The following SLAIN2 variants were observed in gnomAD, a reference collection of about 807,000 sequenced individuals.
SLAIN2 encodes the protein SLAIN motif-containing protein 2.
In SLAIN2, 31 loss-of-function variants were observed where a neutral mutation model predicts 56.6. The observed-to-expected ratio is 0.55, with a 90% CI of 0.41 to 0.74. SLAIN2 has a LOEUF of 0.74. Among genes scored for constraint, SLAIN2 ranks in the 30% least tolerant of loss-of-function variants. The pLI is 0.00. For synonymous variants in SLAIN2, 317 were observed against 284.9 expected (o/e 1.11, Z -1.13); for missense variants, 777 against 754.2 (o/e 1.03, Z -0.35).
rs968944134 is a variant in SLAIN2 at position 48,383,680 on chromosome 4, G to A, written c.1256G>A (p.Arg419Gln). 5 of 1,604,204 alleles carry A rather than the reference G, an allele frequency of 3.1e-6. No individual in the cohort carries two copies. Among genetic ancestry groups the A allele is most frequent in the African/African-American group, 2.7e-5 (2 of 74,744 alleles). The change falls in exon 6 of 8, where the codon CGA becomes CAA. Residue 419 changes from arginine to glutamine, a missense_variant. Transcript: ENST00000264313. ...AGACGCAGTCTTCCAAACCTGTCCC[G>A]AACATCTAATACACAAGTTGACTCA... is the stretch of plus-strand genomic sequence containing the variant. ...KLRRSLPNLS[R>Q]TSNTQVDSVK...
At chr4:48,372,887 GT>G (rs202225651) in intron 2 of SLAIN2, among the ~76,000 whole-genome samples, 9 of 148,914 alleles carry the variant, frequency 6.0e-5, no homozygotes, top group Admixed American at 4.7e-4. Context: ...CAAGGAGATT[GT>G]TTTTTTTTTA....
chr4:48,354,954 C>T (rs1473725202), intron 1 of SLAIN2, among the ~76,000 whole-genome samples: 8 of 151,732 alleles, frequency 5.3e-5, no homozygotes, highest in Non-Finnish European at 1.0e-4. Flanking sequence ...GGCTGGAGTG[C>T]TGTGGCACCA....
At chr4:48,354,297 C>T (rs1715093353) in intron 1 of SLAIN2, among the ~76,000 whole-genome samples, 1 of 152,082 alleles carries the variant, frequency 6.6e-6, no homozygotes. Flanking sequence ...ACCCTCAAAT[C>T]ATCACTTCTA....
intron 6 of SLAIN2, among the ~76,000 whole-genome samples, chr4:48,399,894 G>T (rs143945262): frequency 6.6e-6 from 1 of 151,934 alleles, no homozygotes; most frequent in Non-Finnish European, 1.5e-5. Context: ...GTGCTGCTGG[G>T]TTCAGTTTGC....
At chr4:48,401,954 G>A (rs886181877) in intron 6 of SLAIN2, among the ~76,000 whole-genome samples, 1 of 152,170 alleles carries the variant, frequency 6.6e-6, no homozygotes, top group Non-Finnish European at 1.5e-5. Context: ...CTCTTGCAAG[G>A]CAGACCTGGT....
chr4:48,386,327 A>G (rs1716098912), intron 6 of SLAIN2, among the ~76,000 whole-genome samples: 1 of 152,188 alleles, frequency 6.6e-6, no homozygotes, highest in Admixed American at 6.5e-5. Flanking sequence ...ATGGCCAAAT[A>G]ACCTATCTCT....
At chr4:48,398,746 T>C (rs746233306) in intron 6 of SLAIN2, among the ~76,000 whole-genome samples, 2 of 152,264 alleles carry the variant, frequency 1.3e-5, no homozygotes, top group African/African-American at 2.4e-5. Flanking sequence ...ATTTATTAAA[T>C]AGGGAATCCT....
At chr4:48,403,467 AAGC>A (rs1352156904) in intron 6 of SLAIN2, among the ~76,000 whole-genome samples, 3 of 152,084 alleles carry the variant, frequency 2.0e-5, no homozygotes, top group African/African-American at 4.8e-5. Flanking sequence ...CCACTTAAAG[AAGC>A]AGTCTGGCCA....
intron 1 of SLAIN2, among the ~76,000 whole-genome samples, chr4:48,366,336 A>C (rs1290854481): frequency 6.6e-6 from 1 of 152,180 alleles, no homozygotes; most frequent in African/African-American, 2.4e-5. Context: ...TTGGTTGATA[A>C]TGTTGCTGAA....
intron 1 of SLAIN2, among the ~76,000 whole-genome samples, chr4:48,343,353 T>C (rs1714777862): frequency 6.6e-6 from 1 of 152,236 alleles, no homozygotes; most frequent in Non-Finnish European, 1.5e-5. Context: ...GCGCTGGATC[T>C]GGCACATAGT....
chr4:48,384,417 A>C (rs1459270449), intron 6 of SLAIN2, among the ~76,000 whole-genome samples: 8 of 152,198 alleles, frequency 5.3e-5, no homozygotes. Flanking sequence ...TAATGAAAAA[A>C]TACAATATTG....
Position 48,379,733 on chromosome 4 carries a change from G to C in SLAIN2, c.747G>C (p.Gln249His). The change falls in exon 4 of 8, where the codon CAG (glutamine) becomes CAC (histidine). Residue 249 changes from glutamine to histidine, a missense_variant. Physicochemically the swap from Gln to His is conservative, Grantham distance 24 (BLOSUM62 0). Coordinates refer to ENST00000264313, the MANE Select transcript of SLAIN2 (RefSeq NM_020846.2). ...SSDRNPPLSP[Q>H]SSIDSELSAS... ...ACAGAAATCCTCCACTCAGTCCTCAGTCCTCTATAGATAGTGAGTTAAGTG... is the reference window on the plus strand; with the variant it reads ...ACAGAAATCCTCCACTCAGTCCTCACTCCTCTATAGATAGTGAGTTAAGTG... The C allele has an allele frequency of 6.4e-7, 1 of 1,565,836 alleles. No homozygotes were observed. Among genetic ancestry groups the C allele is most frequent in the South Asian group, 1.2e-5 (1 of 82,562 alleles).
intron 1 of SLAIN2, among the ~76,000 whole-genome samples, chr4:48,362,432 T>G (rs1715352203): frequency 6.6e-6 from 1 of 151,544 alleles, no homozygotes. Flanking sequence ...TCTTTTTTTT[T>G]TTTTTGGACA....
intron 1 of SLAIN2, among the ~76,000 whole-genome samples, chr4:48,354,466 A>AT (rs35476700): frequency 6.0e-5 from 9 of 150,446 alleles, no homozygotes; most frequent in East Asian, 5.9e-4. Context: ...TGTTACGGAT[A>AT]TTTTTTTTTT....
chr4:48,420,343 G>T lies in SLAIN2; in HGVS notation c.1579G>T (p.Ala527Ser), dbSNP rs1717115833. 3 of 1,614,014 alleles carry T rather than the reference G, an allele frequency of 1.9e-6. No homozygotes were observed. Among genetic ancestry groups the T allele is most frequent in the East Asian group, 2.2e-5 (1 of 44,882 alleles). ...NINSATLTRP[A>S]GTTAMRSGLP... ...CAACAGCGCTACTCTAACCAGACCT[G>T]CAGGGACAACTGCAATGAGAAGTGG... The change falls in exon 7 of 8, where the codon GCA (alanine) becomes TCA (serine). Residue 527 changes from alanine (A) to serine (S), a missense_variant. Ala to Ser is a moderately conservative substitution (Grantham distance 99). Transcript: ENST00000264313.
intron 1 of SLAIN2, among the ~76,000 whole-genome samples, chr4:48,363,801 CCCCCGCATCTCCCT>C (rs1715417107): frequency 7.2e-6 from 1 of 138,364 alleles, no homozygotes; most frequent in Admixed American, 6.9e-5. Context: ...GGGGGGCTGA[CCCCCGCATCTCCCT>C]CCCGGACGGG....
At chr4:48,347,818 A>G (rs984149777) in intron 1 of SLAIN2, among the ~76,000 whole-genome samples, 4 of 152,166 alleles carry the variant, frequency 2.6e-5, no homozygotes, top group Admixed American at 2.0e-4. Context: ...TTCTCTGTCT[A>G]TGAATTTGAC....
At chr4:48,407,352 A>G (rs1381301285) in intron 6 of SLAIN2, among the ~76,000 whole-genome samples, 2 of 152,078 alleles carry the variant, frequency 1.3e-5, no homozygotes, top group Admixed American at 1.3e-4. Flanking sequence ...ACTCCGATTT[A>G]TGCTATTCTT....
chr4:48,368,050 G>GTTTTTTTTTTTTTT (rs1466698335), intron 1 of SLAIN2, among the ~76,000 whole-genome samples: 1 of 28,534 alleles, frequency 3.5e-5, no homozygotes, highest in African/African-American at 3.5e-4. Context: ...TGTTTTTGAG[G>GTTTTTTTTTTTTTT]CTTTTTTTTT....
Sources: allele counts gnomAD v4.1 joint callset (sites outside exome capture counted in the v4.1 genomes callset), GRCh38; gene constraint gnomAD v4.1.1; transcripts MANE v1.5; gene names NCBI Gene and HGNC (gene_info 2026-07-23, HGNC 2026-07-21).